The following CPEB4 variants were observed in gnomAD, a reference collection of about 807,000 sequenced individuals.
CPEB4 encodes the protein cytoplasmic polyadenylation element-binding protein 4.
CPEB4 carries 12 observed loss-of-function variants against 72.5 expected under a neutral mutation model. The ratio of observed to expected loss-of-function variants is 0.17; its 90% CI spans 0.11 to 0.27. The LOEUF (loss-of-function observed/expected upper bound fraction) is 0.27, where lower values mean the gene tolerates loss of function less well. Among genes scored for constraint, CPEB4 ranks in the 10% least tolerant of loss-of-function variants. The pLI is 1.00. For missense variants in CPEB4, 614 were observed against 908.5 expected, an observed-to-expected ratio of 0.68 and a Z score of 4.17; for synonymous variants, 302 against 326.3, an observed-to-expected ratio of 0.93 and a Z score of 0.80.
At chr5:173,931,436 G>C (rs1401010070) in intron 2 of CPEB4, among the ~76,000 whole-genome samples, 1 of 152,176 alleles carries the variant, frequency 6.6e-6, no homozygotes, top group African/African-American at 2.4e-5. Context: ...TAAAAGTCCT[G>C]TTCTAAATCC....
intron 5 of CPEB4, among the ~76,000 whole-genome samples, chr5:173,945,346 C>T (rs1280516060): frequency 6.6e-6 from 1 of 152,134 alleles, no homozygotes; most frequent in Non-Finnish European, 1.5e-5. Flanking sequence ...TAAAGCAAGG[C>T]ATTGGACTAT....
intron 5 of CPEB4, among the ~76,000 whole-genome samples, chr5:173,948,067 A>G (rs960076078): frequency 6.6e-6 from 1 of 152,196 alleles, no homozygotes; most frequent in Non-Finnish European, 1.5e-5. Context: ...TAAATGAGTG[A>G]ATTGGATCAC....
At chr5:173,937,959 A>G (rs533970361) in intron 3 of CPEB4, among the ~76,000 whole-genome samples, 21 of 152,364 alleles carry the variant, frequency 1.4e-4, no homozygotes, top group Non-Finnish European at 2.4e-4. Flanking sequence ...ATTTTGTGGC[A>G]GTGAGCCTAT....
At chr5:173,917,926 C>T (rs903316799) in intron 2 of CPEB4, among the ~76,000 whole-genome samples, 2 of 152,178 alleles carry the variant, frequency 1.3e-5, no homozygotes, top group Non-Finnish European at 1.5e-5. Context: ...CTGAAGCCTT[C>T]CTGAACTAGG....
At chr5:173,911,060 AT>A (rs1294403391) in intron 2 of CPEB4, among the ~76,000 whole-genome samples, 3 of 150,988 alleles carry the variant, frequency 2.0e-5, no homozygotes, top group African/African-American at 7.3e-5. Context: ...AGTTCTCAGA[AT>A]TTTTTTCTAT....
chr5:173,897,885 G>T (rs1433404026), intron 1 of CPEB4, among the ~76,000 whole-genome samples: 1 of 152,070 alleles, frequency 6.6e-6, no homozygotes, highest in Non-Finnish European at 1.5e-5. Flanking sequence ...AACATGTGCT[G>T]ATTTACATTC....
intron 1 of CPEB4, among the ~76,000 whole-genome samples, chr5:173,891,853 A>G (rs1755825219): frequency 6.6e-6 from 1 of 152,182 alleles, no homozygotes; most frequent in South Asian, 2.1e-4. Context: ...AGTTTTCCCA[A>G]CAACCTCACA....
Position 173,890,771 on chromosome 5 carries a change from G to C in CPEB4, c.1038G>C (p.Gln346His), listed in dbSNP as rs750044893. ...TTGCAAGCAATCATATTCAGCTCCAGAAGTATGCTCGCCCCAGCTCTGCCT... is the reference window on the plus strand; with the variant it reads ...TTGCAAGCAATCATATTCAGCTCCACAAGTATGCTCGCCCCAGCTCTGCCT... ...KNFASNHIQL[Q>H]KYARPSSAFA... Residue 346 changes from glutamine to histidine, a missense_variant, in exon 1 of 10, where the codon CAG (glutamine) becomes CAC (histidine). By Grantham distance (24) the Gln-to-His change is conservative (BLOSUM62 0). Around this residue, in one of 5 missense-constraint regions of CPEB4, gnomAD observed 458 missense variants for 548.6 expected, o/e 0.83. Coordinates refer to ENST00000265085, the MANE Select transcript of CPEB4 (RefSeq NM_030627.4). The C allele has an allele frequency of 6.2e-6, 10 of 1,614,198 alleles. No individual in the cohort carries two copies. Among genetic ancestry groups the C allele is most frequent in the Non-Finnish European group, 8.5e-6 (10 of 1,180,038 alleles).
At chr5:173,908,545 C>T (rs1229721292) in intron 1 of CPEB4, among the ~76,000 whole-genome samples, 3 of 152,182 alleles carry the variant, frequency 2.0e-5, no homozygotes, top group African/African-American at 4.8e-5. Flanking sequence ...AACCACTCAG[C>T]GCACATTACT....
At chr5:173,934,084 C>A (rs970023129) in intron 3 of CPEB4, among the ~76,000 whole-genome samples, 2 of 152,050 alleles carry the variant, frequency 1.3e-5, no homozygotes, top group African/African-American at 4.8e-5. Flanking sequence ...ACTTGGGAGG[C>A]TGAGGTGGGA....
chr5:173,927,560 G>A (rs1197145206), intron 2 of CPEB4, among the ~76,000 whole-genome samples: 1 of 152,172 alleles, frequency 6.6e-6, no homozygotes, highest in African/African-American at 2.4e-5. Flanking sequence ...GGAGGATCAC[G>A]AGGTCAGGAG....
At chr5:173,952,735 G>A (rs1758253071) in intron 8 of CPEB4, among the ~76,000 whole-genome samples, 1 of 152,084 alleles carries the variant, frequency 6.6e-6, no homozygotes, top group South Asian at 2.1e-4. Flanking sequence ...TAAATCTATG[G>A]CAGCAACATG....
At chr5:173,929,977 C>G (rs1316072109) in intron 2 of CPEB4, among the ~76,000 whole-genome samples, 1 of 151,548 alleles carries the variant, frequency 6.6e-6, no homozygotes, top group Non-Finnish European at 1.5e-5. Flanking sequence ...TATAAAATCT[C>G]TATATATGTT....
chr5:173,944,638 G>T (rs1351634808), intron 4 of CPEB4, among the ~76,000 whole-genome samples: 1 of 152,074 alleles, frequency 6.6e-6, no homozygotes, highest in East Asian at 1.9e-4. Flanking sequence ...ATAGCCATGG[G>T]GCCCTGCCAA....
At chr5:173,933,488 T>C (rs187688885) in intron 3 of CPEB4, among the ~76,000 whole-genome samples, 105 of 152,282 alleles carry the variant, frequency 6.9e-4, no homozygotes, top group African/African-American at 2.5e-3. Context: ...TTCTAGAGAC[T>C]AAATAGTTTA....
Position 173,950,076 on chromosome 5 carries a change from CCAGT to C in CPEB4, c.1664_1665+2del. ...ATCAAGTCCCACTATCAAGGATAAG[CCAGT>C]AAGTGTGGTTTAGCATAAAATAGCT... is the stretch of plus-strand genomic sequence containing the variant. On this transcript the variant is annotated splice_donor_variant and coding_sequence_variant, in exon 7 of 10. Transcript: ENST00000265085. LOFTEE classifies it high-confidence loss of function. The surrounding 1 kb of genome is among the most constrained non-coding windows in gnomAD (Gnocchi z 5.0). 6.4e-7 allele frequency: 1 copy of C among 1,572,772 alleles called. No homozygotes were observed. The highest frequency in any genetic ancestry group is 1.1e-5 in the South Asian group (1 of 87,118).
At chr5:173,904,992 TA>T (rs1464948497) in intron 1 of CPEB4, among the ~76,000 whole-genome samples, 2 of 108,700 alleles carry the variant, frequency 1.8e-5, no homozygotes, top group African/African-American at 3.3e-5. Flanking sequence ...ATAATAATAA[TA>T]ATAATAATAA....
At chr5:173,916,265 G>A (rs1335499086) in intron 2 of CPEB4, among the ~76,000 whole-genome samples, 1 of 152,158 alleles carries the variant, frequency 6.6e-6, no homozygotes, top group Admixed American at 6.5e-5. Context: ...TAGAATATAT[G>A]TTGCTTTCAG....
intron 3 of CPEB4, among the ~76,000 whole-genome samples, chr5:173,941,227 G>C (rs552042076): frequency 6.6e-6 from 1 of 152,244 alleles, no homozygotes; most frequent in Non-Finnish European, 1.5e-5. Context: ...TGTATGAATA[G>C]AATGTTCGTA....
Sources: gnomAD v4.1 joint callset for allele counts (sites outside exome capture counted in the v4.1 genomes callset) on GRCh38, gnomAD v4.1.1 for gene constraint, gnomAD v4.1.1 regional missense constraint, Gnocchi (gnomAD v3.1) non-coding constraint, MANE v1.5 for transcripts, NCBI Gene and HGNC (gene_info 2026-07-23, HGNC 2026-07-21) for gene names.